Variants in DCK observed in about 807,000 individuals in gnomAD.
DCK encodes the protein deoxycytidine kinase.
DCK carries 23 observed loss-of-function variants against 38.3 expected under a neutral mutation model. The ratio of observed to expected loss-of-function variants is 0.60; its 90% CI spans 0.43 to 0.85. The LOEUF (loss-of-function observed/expected upper bound fraction) is 0.85. Among genes scored for constraint, DCK ranks in the 40% least tolerant of loss-of-function variants. The pLI is 0.00. For synonymous variants in DCK, 108 were observed against 100.6 expected (o/e 1.07, Z -0.44); for missense variants, 259 against 304.4 (o/e 0.85, Z 1.11).
At chr4:71,008,967 G>A (rs187602867) in intron 2 of DCK, among the ~76,000 whole-genome samples, 12 of 152,286 alleles carry the variant, frequency 7.9e-5, no homozygotes, top group African/African-American at 2.6e-4. Context: ...TAACTGGGAA[G>A]GGTAGGAGGA....
chr4:70,996,617 A>G (rs532977377), intron 1 of DCK, among the ~76,000 whole-genome samples: 1 of 152,344 alleles, frequency 6.6e-6, no homozygotes, highest in African/African-American at 2.4e-5. Flanking sequence ...CTTATTTGCC[A>G]GATCCAAATA....
At chr4:71,016,721 G>T (rs186462936) in intron 2 of DCK, among the ~76,000 whole-genome samples, 2,412 of 152,296 alleles carry the variant, frequency 0.016, 24 homozygotes, top group South Asian at 0.032. Context: ...TGGAAAAATG[G>T]CTAGCCATAT....
intron 1 of DCK, 86 bp downstream of exon 1, chr4:70,994,012 A>G (rs765100675): frequency 2.0e-6 from 2 of 983,796 alleles, no homozygotes; most frequent in Admixed American, 3.9e-5. Context: ...TCTCTGCAGC[A>G]ACTCGGTGAG....
chr4:71,009,074 A>G (rs559832382), intron 2 of DCK, among the ~76,000 whole-genome samples: 1 of 152,344 alleles, frequency 6.6e-6, no homozygotes, highest in African/African-American at 2.4e-5. Context: ...GGAAAAATAC[A>G]TTGTACTCAG....
rs574682406 is a variant in DCK at position 71,019,258 on chromosome 4, G to A, written c.208-3109G>A. 4.6e-5 allele frequency among the ~76,000 whole-genome samples: 7 copies of A among 152,056 alleles called. No homozygotes were observed. The South Asian group carries it at 1.5e-3, about 32-fold the overall frequency. ...GAACTAGTTTATTATTTTTTTGTTA[G>A]GTGATGAATCAAGATTGGTTCTCTA... On this transcript the variant is annotated intron_variant, in intron 2 of 6. Transcript: ENST00000286648.
At chr4:71,021,588 C>G (rs888864695) in intron 2 of DCK, among the ~76,000 whole-genome samples, 1 of 152,028 alleles carries the variant, frequency 6.6e-6, no homozygotes, top group Non-Finnish European at 1.5e-5. Context: ...ATATATCAGG[C>G]CTGTTATGAA....
intron 1 of DCK, among the ~76,000 whole-genome samples, chr4:70,994,770 T>G (rs1739622952): frequency 6.6e-6 from 1 of 152,302 alleles, no homozygotes; most frequent in South Asian, 2.1e-4. Flanking sequence ...CCTCACCCCT[T>G]ACTCCACATC....
intron 2 of DCK, among the ~76,000 whole-genome samples, chr4:71,014,895 G>A (rs923691327): frequency 7.2e-5 from 11 of 152,176 alleles, no homozygotes; most frequent in Admixed American, 6.5e-4. Flanking sequence ...TCCAAAGCTA[G>A]CAGAAGGCAA....
chr4:70,997,327 TA>T (rs138899497), intron 1 of DCK, among the ~76,000 whole-genome samples: 31 of 152,320 alleles, frequency 2.0e-4, no homozygotes, highest in African/African-American at 7.2e-4. Flanking sequence ...TCCCTAAGCT[TA>T]CACTCTCCAT....
chr4:71,029,438 G>A lies in DCK; in HGVS notation c.*60G>A, dbSNP rs756465115. On this transcript the variant is annotated 3_prime_UTR_variant, in exon 7 of 7. Coordinates refer to ENST00000286648, the MANE Select transcript of DCK (RefSeq NM_000788.3). ...AGATACTTCAGCTTTGTGTATCTTC[G>A]TAACTTCATATTAATATAAGTTTCT... The A allele has an allele frequency of 2.4e-5, 29 of 1,231,532 alleles. No homozygotes were observed. The highest frequency in any genetic ancestry group is 3.8e-5 in the South Asian group (3 of 79,104). 76.3% of individuals were successfully genotyped at this position (1,231,532 alleles called of 1,614,324 possible). A position where few individuals can be genotyped will look rare whatever the true frequency, so the allele number is the denominator to read the frequency against.
intron 1 of DCK, among the ~76,000 whole-genome samples, chr4:70,997,494 G>A (rs1348999398): frequency 6.6e-6 from 1 of 152,054 alleles, no homozygotes; most frequent in Non-Finnish European, 1.5e-5. Context: ...CCTCGCTCCT[G>A]TTTTTTCTCT....
chr4:71,024,449 G>A (rs780236593), intron 4 of DCK, among the ~76,000 whole-genome samples: 4 of 151,976 alleles, frequency 2.6e-5, no homozygotes, highest in Admixed American at 6.6e-5. Flanking sequence ...GTTTTGGTGC[G>A]TGCATTTCTA....
intron 2 of DCK, among the ~76,000 whole-genome samples, chr4:71,002,752 C>T (rs1343867307): frequency 6.6e-6 from 1 of 152,020 alleles, no homozygotes; most frequent in African/African-American, 2.4e-5. Context: ...GATTTAAAGT[C>T]TGTTTTATCT....
chr4:71,001,421 T>TC (rs144142516), intron 2 of DCK, among the ~76,000 whole-genome samples: 3,336 of 152,328 alleles, frequency 0.022, 129 homozygotes, highest in African/African-American at 0.075. Context: ...GCATCGATGT[T>TC]CATCAGGGAT....
chr4:71,012,260 G>A (rs1740119872), intron 2 of DCK, among the ~76,000 whole-genome samples: 1 of 152,160 alleles, frequency 6.6e-6, no homozygotes, highest in Non-Finnish European at 1.5e-5. Context: ...GGTAAACAAA[G>A]TGGGCTGGAA....
In DCK at chr4:71,011,209, C is replaced by T. The variant is rs144809474; in HGVS notation, c.208-11158C>T. Among the ~76,000 whole-genome samples, 11 of 142,818 alleles carry T rather than the reference C, an allele frequency of 7.7e-5. No individual in the cohort carries two copies. The East Asian group carries it at 1.3e-3, about 16-fold the overall frequency. 93.7% of individuals were successfully genotyped at this position (142,818 alleles called of 152,430 possible). On this transcript the variant is annotated intron_variant, in intron 2 of 6. Coordinates refer to ENST00000286648, the MANE Select transcript of DCK (RefSeq NM_000788.3). Reference sequence around the variant, plus strand: ...CCACCCATCTCAGCCTCCCAAAGGGCTGGGATTACAGGTGTGAGGTCTCTT... The same window carrying T: ...CCACCCATCTCAGCCTCCCAAAGGGTTGGGATTACAGGTGTGAGGTCTCTT...
In DCK at chr4:70,993,744, C is replaced by A; in HGVS notation, c.-92C>A. 2.3e-6 allele frequency: 2 copies of A among 863,292 alleles called. No homozygotes were observed. The highest frequency in any genetic ancestry group is 2.3e-5 in the Admixed American group (1 of 44,300). The allele number at this position is 863,292 out of a possible 1,614,324, so 53.5% of individuals were successfully genotyped here. ...GCTGACCCGGCAGGTCAGGATCTGG[C>A]TTAGCGGCGCCGCGAGCTCCAGTGC... On this transcript the variant is annotated 5_prime_UTR_variant, in exon 1 of 7. Transcript: ENST00000286648.
rs4643786 is a variant in DCK, at chr4:71,029,543, C to T, written c.*165C>T. The T allele has an allele frequency of 0.91, 523,322 of 573,968 alleles. 246,017 individuals carry two copies. Among genetic ancestry groups the T allele is most frequent in the Non-Finnish European group, 0.97 (309,899 of 320,286 alleles). 35.6% of individuals were successfully genotyped at this position (573,968 alleles called of 1,614,324 possible). A position where few individuals can be genotyped will look rare whatever the true frequency, so the allele number is the denominator to read the frequency against. The stretch of plus-strand genomic sequence containing the variant: ...ATGAATCTTATGCAAAACTTTTTGA[C>T]CAGTTTCTTTTCTTTTGTTTTTTTT... On this transcript the variant is annotated 3_prime_UTR_variant, in exon 7 of 7. Coordinates refer to ENST00000286648, the MANE Select transcript of DCK (RefSeq NM_000788.3).
intron 2 of DCK, among the ~76,000 whole-genome samples, chr4:71,000,736 C>T (rs939576489): frequency 1.3e-5 from 2 of 152,192 alleles, no homozygotes; most frequent in Non-Finnish European, 2.9e-5. Context: ...AGGTCCTTCA[C>T]ATCCGTTGTA....
Sources: gnomAD v4.1 joint callset for allele counts (sites outside exome capture counted in the v4.1 genomes callset) on GRCh38, gnomAD v4.1.1 for gene constraint, MANE v1.5 for transcripts, NCBI Gene and HGNC (gene_info 2026-07-23, HGNC 2026-07-21) for gene names.